GRIA4: variants seen among roughly 807,000 people sequenced by gnomAD.
GRIA4 encodes the protein glutamate receptor 4.
Under a neutral mutation model 104.0 loss-of-function variants are expected in GRIA4, and 34 were observed. The observed-to-expected ratio is 0.33, with a 90% confidence interval of 0.25 to 0.44. GRIA4 has a LOEUF of 0.44. GRIA4 is among the 20% of genes least tolerant of loss of function. The pLI is 1.00. For missense variants in GRIA4, 750 were observed against 1,096.5 expected (o/e 0.68, Z 4.46); for synonymous variants, 386 against 381.9 (o/e 1.01, Z -0.13).
At chr11:105,849,261 CT>C (rs1944710835) in intron 4 of GRIA4, among the ~76,000 whole-genome samples, 2 of 152,128 alleles carry the variant, frequency 1.3e-5, no homozygotes, top group South Asian at 4.1e-4. Context: ...CACATGATTC[CT>C]TTTAATCAAC....
chr11:105,824,289 C>T (rs1428102490), intron 4 of GRIA4, among the ~76,000 whole-genome samples: 2 of 152,068 alleles, frequency 1.3e-5, no homozygotes, highest in African/African-American at 4.8e-5. Context: ...TCAATGGCAA[C>T]CACTTTCAGC....
rs1565296734 is a variant in GRIA4 at position 105,862,106 on chromosome 11, T to C, written c.570T>C (p.Asn190=). The part of the protein sequence containing the change: ...HVSAICVENF[N]DVSYRQLLEE... Reference sequence around the variant, plus strand: ...GCGCTATATGTGTGGAAAATTTTAATGATGTCAGCTATAGGCAACTTCTAG... The same window carrying C: ...GCGCTATATGTGTGGAAAATTTTAACGATGTCAGCTATAGGCAACTTCTAG... Residue 190 remains asparagine (N), a synonymous_variant, in exon 5 of 17, where the codon AAT becomes AAC. Transcript: ENST00000282499. 1.9e-6 allele frequency: 3 copies of C among 1,610,068 alleles called. No individual in the cohort carries two copies. The highest frequency in any genetic ancestry group is 4.5e-5 in the East Asian group (2 of 44,814).
Position 105,898,304 on chromosome 11 carries a change from T to A in GRIA4, c.762T>A (p.His254Gln). The change falls in exon 7 of 17, where the codon CAT (histidine) becomes CAA (glutamine). Residue 254 changes from histidine to glutamine, a missense_variant. Transcript: ENST00000282499. ...ATATTTCTCTTGAGAGGTTTATACATGGTGGAGCCAATGTTACTGGATTCC... is the reference window on the plus strand; with the variant it reads ...ATATTTCTCTTGAGAGGTTTATACAAGGTGGAGCCAATGTTACTGGATTCC... ...FKDISLERFI[H>Q]GGANVTGFQL... The A allele has an allele frequency of 6.4e-7, 1 of 1,569,432 alleles. No individual in the cohort carries two copies. The highest frequency in any genetic ancestry group is 8.8e-7 in the Non-Finnish European group (1 of 1,139,626).
intron 3 of GRIA4, among the ~76,000 whole-genome samples, chr11:105,733,011 C>A (rs996369059): frequency 6.6e-6 from 1 of 152,122 alleles, no homozygotes; most frequent in Admixed American, 6.5e-5. Context: ...ACTTAAACAG[C>A]CTCTTTATGT....
chr11:105,908,373 T>C (rs924938825), intron 9 of GRIA4, among the ~76,000 whole-genome samples: 4 of 152,138 alleles, frequency 2.6e-5, no homozygotes, highest in South Asian at 2.1e-4. Context: ...ATGAAATCAG[T>C]CATGGGAAAA....
chr11:105,652,862 T>C, intron 3 of GRIA4, among the ~76,000 whole-genome samples: 1 of 152,168 alleles, frequency 6.6e-6, no homozygotes, highest in East Asian at 1.9e-4. Flanking sequence ...GGAAGATTTG[T>C]TCTTACTCTA....
At chr11:105,662,754 T>C (rs1229917588) in intron 3 of GRIA4, among the ~76,000 whole-genome samples, 1 of 151,806 alleles carries the variant, frequency 6.6e-6, no homozygotes, top group Non-Finnish European at 1.5e-5. Context: ...TTAAAATAAA[T>C]GATGTGGCAG....
At chr11:105,742,614 G>T (rs1939384739) in intron 3 of GRIA4, among the ~76,000 whole-genome samples, 1 of 151,824 alleles carries the variant, frequency 6.6e-6, no homozygotes, top group South Asian at 2.1e-4. Context: ...ATGTGTGTGT[G>T]TGTGTATGTA....
chr11:105,902,779 T>C (rs973150459), intron 7 of GRIA4, among the ~76,000 whole-genome samples: 3 of 152,192 alleles, frequency 2.0e-5, no homozygotes, highest in East Asian at 1.9e-4. Context: ...GAACTGACCA[T>C]ATGGAATTTC....
chr11:105,867,217 A>C (rs1945453370), intron 5 of GRIA4, among the ~76,000 whole-genome samples: 1 of 152,204 alleles, frequency 6.6e-6, no homozygotes, highest in African/African-American at 2.4e-5. Context: ...AAAAGAAGCC[A>C]ATAATCCTAC....
intron 3 of GRIA4, among the ~76,000 whole-genome samples, chr11:105,746,144 T>C (rs968096826): frequency 1.3e-5 from 2 of 151,902 alleles, no homozygotes; most frequent in African/African-American, 4.8e-5. Flanking sequence ...GTGTGTATTG[T>C]AGGTAGGAAA....
intron 3 of GRIA4, among the ~76,000 whole-genome samples, chr11:105,648,097 GTTACAAAAATGTGT>G (rs1220751828): frequency 6.6e-6 from 1 of 151,958 alleles, no homozygotes; most frequent in Non-Finnish European, 1.5e-5. Context: ...ATAACTCACT[GTTACAAAAATGTGT>G]TTACAAAAAT....
At chr11:105,653,411 C>A (rs572586715) in intron 3 of GRIA4, among the ~76,000 whole-genome samples, 2 of 152,094 alleles carry the variant, frequency 1.3e-5, no homozygotes, top group African/African-American at 4.8e-5. Context: ...AACCAATAGG[C>A]GGGCAGCATG....
intron 4 of GRIA4, among the ~76,000 whole-genome samples, chr11:105,808,410 G>A (rs925533573): frequency 1.5e-4 from 23 of 152,052 alleles, no homozygotes; most frequent in Non-Finnish European, 2.9e-5. Context: ...GAAAAGGCAA[G>A]TATAGATCAA....
chr11:105,876,957 G>T (rs1945850964), intron 5 of GRIA4, among the ~76,000 whole-genome samples: 1 of 152,162 alleles, frequency 6.6e-6, no homozygotes, highest in Non-Finnish European at 1.5e-5. Flanking sequence ...CCATCATTAT[G>T]ATGCTAGCTG....
chr11:105,857,698 T>G (rs1945057238), intron 4 of GRIA4, among the ~76,000 whole-genome samples: 1 of 152,174 alleles, frequency 6.6e-6, no homozygotes, highest in African/African-American at 2.4e-5. Flanking sequence ...CCATTAACCC[T>G]GCTCATGCTA....
chr11:105,920,796 C>T (rs1306588739), intron 11 of GRIA4, among the ~76,000 whole-genome samples: 2 of 152,098 alleles, frequency 1.3e-5, no homozygotes, highest in Non-Finnish European at 2.9e-5. Context: ...TGGTTAAAGA[C>T]TCCAATCTCT....
intron 4 of GRIA4, among the ~76,000 whole-genome samples, chr11:105,807,124 G>GA (rs1265828765): frequency 6.6e-6 from 1 of 151,594 alleles, no homozygotes; most frequent in Non-Finnish European, 1.5e-5. Context: ...ACAAATGAGG[G>GA]AAAAATCCTT....
chr11:105,691,288 A>G (rs1315603040), intron 3 of GRIA4, among the ~76,000 whole-genome samples: 1 of 152,214 alleles, frequency 6.6e-6, no homozygotes, highest in East Asian at 1.9e-4. Context: ...GACAAGACTG[A>G]ACAACAACAA....
Sources: gnomAD v4.1 joint callset for allele counts (sites outside exome capture counted in the v4.1 genomes callset) on GRCh38, gnomAD v4.1.1 for gene constraint, MANE v1.5 for transcripts, NCBI Gene and HGNC (gene_info 2026-07-23, HGNC 2026-07-21) for gene names.